PTPRG: variants seen among roughly 807,000 people sequenced by gnomAD.
The protein encoded by PTPRG is receptor-type tyrosine-protein phosphatase gamma.
PTPRG carries 102 observed loss-of-function variants against 165.3 expected under a neutral mutation model. The observed-to-expected ratio is 0.62, with a 90% CI of 0.53 to 0.73. PTPRG has a LOEUF of 0.73. Ranked by LOEUF, PTPRG falls within the 30% of genes least tolerant of loss-of-function variation. PTPRG has a pLI of 0.00. For missense variants in PTPRG, 1,866 were observed against 1,861.4 expected, an observed-to-expected ratio of 1.00 and a Z score of -0.05; for synonymous variants, 675 against 669.5, an observed-to-expected ratio of 1.01 and a Z score of -0.13.
At chr3:61,735,995 C>T (rs541681072) in intron 1 of PTPRG, among the ~76,000 whole-genome samples, 1 of 151,776 alleles carries the variant, frequency 6.6e-6, no homozygotes, top group African/African-American at 2.4e-5. Context: ...GCAACCTCCG[C>T]CTCCTGGGTT....
chr3:61,766,609 TAA>T (rs11334853), intron 2 of PTPRG, among the ~76,000 whole-genome samples: 4 of 148,658 alleles, frequency 2.7e-5, no homozygotes, highest in African/African-American at 9.9e-5. Context: ...TTATTAATGT[TAA>T]AAAAAATTTT....
intron 1 of PTPRG, among the ~76,000 whole-genome samples, chr3:61,579,990 TCAAC>T (rs1180537533): frequency 1.3e-5 from 2 of 152,134 alleles, no homozygotes; most frequent in East Asian, 1.9e-4. Flanking sequence ...AAATCACACA[TCAAC>T]CATGTAGCTG....
At chr3:61,565,994 G>A (rs1050965319) in intron 1 of PTPRG, among the ~76,000 whole-genome samples, 1 of 151,902 alleles carries the variant, frequency 6.6e-6, no homozygotes, top group African/African-American at 2.4e-5. Flanking sequence ...TCTTTACCCA[G>A]TCTCTAAACT....
intron 5 of PTPRG, among the ~76,000 whole-genome samples, chr3:62,100,008 A>G (rs1702237174): frequency 6.6e-6 from 1 of 152,000 alleles, no homozygotes; most frequent in Non-Finnish European, 1.5e-5. Flanking sequence ...CATGTTGACC[A>G]GGCTGGTCTT....
At chr3:61,826,441 C>T (rs2036115444) in intron 2 of PTPRG, among the ~76,000 whole-genome samples, 1 of 152,024 alleles carries the variant, frequency 6.6e-6, no homozygotes, top group South Asian at 2.1e-4. Flanking sequence ...ATCCTTTCAC[C>T]TGACCCTCCC....
chr3:61,655,406 A>T (rs1702483016), intron 1 of PTPRG, among the ~76,000 whole-genome samples: 1 of 152,132 alleles, frequency 6.6e-6, no homozygotes, highest in African/African-American at 2.4e-5. Context: ...AGTTTCACTT[A>T]TTCTTTTATC....
At chr3:62,117,016 C>G (rs1447445235) in intron 5 of PTPRG, among the ~76,000 whole-genome samples, 3 of 152,196 alleles carry the variant, frequency 2.0e-5, no homozygotes, top group Non-Finnish European at 4.4e-5. Flanking sequence ...TACACTAAAA[C>G]ACACATACTA....
chr3:61,714,955 C>T (rs1047002673), intron 1 of PTPRG, among the ~76,000 whole-genome samples: 1 of 152,040 alleles, frequency 6.6e-6, no homozygotes, highest in African/African-American at 2.4e-5. Flanking sequence ...ATTTTTTGTT[C>T]ACAAACAGCA....
Position 61,799,884 on chromosome 3 carries a change from A to G in PTPRG, c.190+50902A>G, listed in dbSNP as rs1484482006. On this transcript the variant is annotated intron_variant, in intron 2 of 29. Coordinates refer to ENST00000474889, the MANE Select transcript of PTPRG (RefSeq NM_002841.4). ...AGTAAGTGTATTTATTTTATTGTTC[A>G]AGGGGTTGAATTCTGAATTTGGAAG... Among the ~76,000 whole-genome samples, 4 of 152,174 alleles carry G rather than the reference A, an allele frequency of 2.6e-5. No individual in the cohort carries two copies. In the East Asian group the frequency reaches 7.7e-4, roughly 29 times the overall value.
At chr3:61,614,536 A>G (rs1453086081) in intron 1 of PTPRG, among the ~76,000 whole-genome samples, 1 of 146,426 alleles carries the variant, frequency 6.8e-6, no homozygotes, top group Admixed American at 7.2e-5. Flanking sequence ...CAGCTTCCCA[A>G]GTAGTTGGGA....
In PTPRG at chr3:62,284,620, C is replaced by G. The variant is rs187599093; in HGVS notation, c.4055+1751C>G. ...ACACCAGTTCCTTTTCAGTTTCCAT[C>G]TTACCTACTTTCTGTACCTCTAAAC... On this transcript the variant is annotated intron_variant, in intron 28 of 29. Transcript: ENST00000474889. 3.8e-4 allele frequency among the ~76,000 whole-genome samples: 58 copies of G among 152,248 alleles called. 1 individual carries two copies. In the East Asian group the frequency reaches 0.01, roughly 26 times the overall value.
intron 2 of PTPRG, among the ~76,000 whole-genome samples, chr3:61,876,733 A>G (rs1198522845): frequency 6.6e-6 from 1 of 152,142 alleles, no homozygotes; most frequent in African/African-American, 2.4e-5. Flanking sequence ...ACATGGTGAA[A>G]CCCTGTCTCT....
intron 2 of PTPRG, among the ~76,000 whole-genome samples, chr3:61,854,199 A>G (rs1323944643): frequency 1.3e-5 from 2 of 152,162 alleles, no homozygotes; most frequent in African/African-American, 4.8e-5. Flanking sequence ...TACCCCCTGA[A>G]TAGTTACGTG....
intron 2 of PTPRG, among the ~76,000 whole-genome samples, chr3:61,890,412 GTTTTTTTTTTGTTT>G (rs1342002765): frequency 2.1e-5 from 2 of 95,440 alleles, no homozygotes; most frequent in African/African-American, 9.1e-5. Flanking sequence ...CTTGTTCTTT[GTTTTTTTTTTGTTT>G]TTTTTTTTTT....
intron 15 of PTPRG, among the ~76,000 whole-genome samples, chr3:62,248,703 G>C (rs550121842): frequency 6.6e-6 from 1 of 152,242 alleles, no homozygotes; most frequent in South Asian, 2.1e-4. Flanking sequence ...AGAGCATATT[G>C]AAAGAGCTTT....
chr3:62,282,655 C>A, intron 27 of PTPRG, 72 bp from the exon 28 acceptor site: 2 of 1,464,926 alleles, frequency 1.4e-6, no homozygotes, highest in South Asian at 1.5e-5. Flanking sequence ...TTCTCAGGAG[C>A]AAGTTCTAGT....
intron 8 of PTPRG, among the ~76,000 whole-genome samples, chr3:62,175,746 C>T (rs552622107): frequency 2.0e-5 from 3 of 152,090 alleles, no homozygotes; most frequent in Non-Finnish European, 2.9e-5. Context: ...CAAATCAAGT[C>T]GTGTGCTAAG....
chr3:61,796,357 C>T (rs2035043366), intron 2 of PTPRG, among the ~76,000 whole-genome samples: 1 of 152,168 alleles, frequency 6.6e-6, no homozygotes, highest in African/African-American at 2.4e-5. Context: ...ATATGTTTTC[C>T]TCTTACATGA....
chr3:62,082,923 C>T (rs1213597859), intron 5 of PTPRG, among the ~76,000 whole-genome samples: 1 of 152,144 alleles, frequency 6.6e-6, no homozygotes, highest in Non-Finnish European at 1.5e-5. Flanking sequence ...GAAGGATCAC[C>T]TTTTTCTAGA....
Sources: gnomAD v4.1 joint callset for allele counts (sites outside exome capture counted in the v4.1 genomes callset) on GRCh38, gnomAD v4.1.1 for gene constraint, MANE v1.5 for transcripts, NCBI Gene and HGNC (gene_info 2026-07-23, HGNC 2026-07-21) for gene names.